Variants in BCKDHB observed in about 807,000 individuals in gnomAD.
BCKDHB encodes branched chain keto acid dehydrogenase E1 subunit beta.
Under a neutral mutation model 48.5 loss-of-function variants are expected in BCKDHB, and 41 were observed. The observed-to-expected ratio is 0.85, with a 90% CI of 0.66 to 1.10. BCKDHB has a LOEUF of 1.10. Among genes scored for constraint, BCKDHB ranks in the 50% least tolerant of loss-of-function variants. The pLI is 0.00. For missense variants in BCKDHB, 496 were observed against 494.2 expected, an observed-to-expected ratio of 1.00 and a Z score of -0.03; for synonymous variants, 201 against 174.8, an observed-to-expected ratio of 1.15 and a Z score of -1.18.
At chr6:80,373,965 T>G in the BCKDHB span, 2 of 544,882 alleles carry the variant, frequency 3.7e-6, no homozygotes, top group African/African-American at 1.9e-5. Context: ...CATTCTGCCA[T>G]TCTGTGTCTT....
the BCKDHB span, among the ~76,000 whole-genome samples, chr6:80,382,908 G>T: frequency 6.6e-6 from 1 of 151,828 alleles, no homozygotes; most frequent in African/African-American, 2.4e-5. Context: ...TGTTATCTTT[G>T]CATTTATGGT....
At chr6:80,375,188 T>C in the BCKDHB span, among the ~76,000 whole-genome samples, 1 of 152,238 alleles carries the variant, frequency 6.6e-6, no homozygotes, top group Non-Finnish European at 1.5e-5. Context: ...TGGATTTGAA[T>C]GTTTAGATCT....
At chr6:80,353,559 A>G in the BCKDHB span, among the ~76,000 whole-genome samples, 1 of 151,304 alleles carries the variant, frequency 6.6e-6, no homozygotes, top group African/African-American at 2.4e-5. Context: ...GTCTTTTAAT[A>G]ATAGCTCTTC....
At chr6:80,367,873 T>C in the BCKDHB span, among the ~76,000 whole-genome samples, 23 of 152,394 alleles carry the variant, frequency 1.5e-4, no homozygotes, top group East Asian at 4.2e-3. Context: ...TCCTCATGCA[T>C]GTGGTCCATT....
chr6:80,282,833 A>T (rs948200831), intron 9 of BCKDHB, among the ~76,000 whole-genome samples: 2 of 152,122 alleles, frequency 1.3e-5, no homozygotes, highest in Admixed American at 1.3e-4. Context: ...AAGCTTTATT[A>T]TATGTAGATG....
At chr6:80,310,084 T>C (rs1390004673) in intron 9 of BCKDHB, among the ~76,000 whole-genome samples, 1 of 136,042 alleles carries the variant, frequency 7.4e-6, no homozygotes. Context: ...CAACATTTTC[T>C]TTTTTTTTTT....
the BCKDHB span, among the ~76,000 whole-genome samples, chr6:80,429,132 C>A: frequency 6.6e-6 from 1 of 152,170 alleles, no homozygotes; most frequent in African/African-American, 2.4e-5. Flanking sequence ...ATAGGGAATC[C>A]TTTCCCCGTT....
the BCKDHB span, among the ~76,000 whole-genome samples, chr6:80,455,816 C>T: frequency 0.11 from 16,535 of 152,062 alleles, 2,736 homozygotes; most frequent in African/African-American, 0.36. Context: ...CTTTCACACC[C>T]CAAACAAAGT....
chr6:80,180,721 A>G (rs2127790386), intron 6 of BCKDHB, among the ~76,000 whole-genome samples: 1 of 152,342 alleles, frequency 6.6e-6, no homozygotes, highest in South Asian at 2.1e-4. Context: ...AGAGACGAAC[A>G]TTATTTAAAG....
At chr6:80,404,944 A>AT in the BCKDHB span, among the ~76,000 whole-genome samples, 1 of 152,032 alleles carries the variant, frequency 6.6e-6, no homozygotes, top group Non-Finnish European at 1.5e-5. Context: ...GTTAGGACTG[A>AT]TTTTGTGGCC....
At chr6:80,159,530 A>G (rs1368603746) in intron 3 of BCKDHB, among the ~76,000 whole-genome samples, 1 of 152,194 alleles carries the variant, frequency 6.6e-6, no homozygotes, top group Admixed American at 6.5e-5. Context: ...AATGAATAGA[A>G]TGTTCTGTTT....
chr6:80,169,867 G>A, intron 5 of BCKDHB: 1 of 1,604,548 alleles, frequency 6.2e-7, no homozygotes, highest in Non-Finnish European at 8.5e-7. Flanking sequence ...TTGAATGTGA[G>A]CTAGAAGTTG....
At chr6:80,172,817 C>T (rs1208572481) in intron 6 of BCKDHB, among the ~76,000 whole-genome samples, 1 of 152,066 alleles carries the variant, frequency 6.6e-6, no homozygotes, top group Non-Finnish European at 1.5e-5. Flanking sequence ...TTCAGAGTTC[C>T]TGTTGCTCTT....
At chr6:80,374,634 A>G in the BCKDHB span, 502 of 517,708 alleles carry the variant, frequency 9.7e-4, no homozygotes, top group African/African-American at 8.9e-3. Flanking sequence ...TGGAGCATTT[A>G]GGCCATTTAC....
intron 9 of BCKDHB, among the ~76,000 whole-genome samples, chr6:80,321,775 C>G (rs1034604464): frequency 6.6e-6 from 1 of 152,108 alleles, no homozygotes; most frequent in Admixed American, 6.6e-5. Context: ...CAATAGTAAT[C>G]AAAACATAAA....
chr6:80,423,576 G>T, the BCKDHB span, among the ~76,000 whole-genome samples: 1 of 152,126 alleles, frequency 6.6e-6, no homozygotes, highest in Non-Finnish European at 1.5e-5. Flanking sequence ...TCTCACCACT[G>T]TTCAAATCTA....
intron 1 of BCKDHB, among the ~76,000 whole-genome samples, chr6:80,108,391 G>A (rs972529198): frequency 2.0e-5 from 3 of 147,736 alleles, no homozygotes; most frequent in African/African-American, 7.5e-5. Context: ...AAGAAATTTT[G>A]GTCTAATACT....
chr6:80,370,490 G>A, the BCKDHB span, among the ~76,000 whole-genome samples: 2 of 152,026 alleles, frequency 1.3e-5, no homozygotes, highest in Non-Finnish European at 2.9e-5. Context: ...AGATTTTGGT[G>A]CACCCATCAC....
chr6:80,274,758 A>G (rs1296014896), intron 9 of BCKDHB, among the ~76,000 whole-genome samples: 1 of 152,056 alleles, frequency 6.6e-6, no homozygotes, highest in Non-Finnish European at 1.5e-5. Flanking sequence ...TGATCTCTGT[A>G]AGTTATTGGT....
Sources: gnomAD v4.1 joint callset for allele counts (sites outside exome capture counted in the v4.1 genomes callset) on GRCh38, gnomAD v4.1.1 for gene constraint, MANE v1.5 for transcripts, NCBI Gene and HGNC (gene_info 2026-07-23, HGNC 2026-07-21) for gene names.